The following MBNL2 variants were observed in gnomAD, a reference collection of about 807,000 sequenced individuals.
MBNL2 encodes muscleblind-like protein 2.
MBNL2 carries 17 observed loss-of-function variants against 41.9 expected under a neutral mutation model. The observed-to-expected ratio is 0.41, with a 90% CI of 0.28 to 0.61. The LOEUF is 0.61. Among genes scored for constraint, MBNL2 ranks in the 20% least tolerant of loss-of-function variants. MBNL2 has a pLI of 0.35. For missense variants in MBNL2, 336 were observed against 505.6 expected, an observed-to-expected ratio of 0.66 and a Z score of 3.22; for synonymous variants, 195 against 182.9, an observed-to-expected ratio of 1.07 and a Z score of -0.53.
intron 1 of MBNL2, among the ~76,000 whole-genome samples, chr13:97,233,161 A>ATC: frequency 1.0e-5 from 1 of 99,804 alleles, no homozygotes; most frequent in African/African-American, 3.7e-5. Flanking sequence ...ATATATATAT[A>ATC]TATATATATA....
intron 1 of MBNL2, among the ~76,000 whole-genome samples, chr13:97,232,974 G>A (rs188000333): frequency 2.9e-4 from 44 of 149,688 alleles, no homozygotes; most frequent in Non-Finnish European, 4.4e-4. Flanking sequence ...GTAAAAGCTC[G>A]TTATCAACTG....
At chr13:97,196,485 G>A in the MBNL2 span, among the ~76,000 whole-genome samples, 36 of 152,170 alleles carry the variant, frequency 2.4e-4, no homozygotes, top group African/African-American at 8.2e-4. Flanking sequence ...ACCTACAGGC[G>A]GTATTAAGGC....
At chr13:97,157,371 T>C in the MBNL2 span, among the ~76,000 whole-genome samples, 407 of 148,052 alleles carry the variant, frequency 2.7e-3, 1 homozygote, top group Non-Finnish European at 4.6e-3. Context: ...CTTTTCCTAA[T>C]TGAATACCCT....
rs5806008 is a variant in MBNL2 at position 97,228,529 on chromosome 13, CTT to C, written c.-605+6014_-605+6015del. On this transcript the variant is annotated intron_variant, in intron 1 of 8. Coordinates refer to ENST00000679496, the MANE Select transcript of MBNL2 (RefSeq NM_001382683.1). ...TAATTTCAGTTTTTATATTTATTAT[CTT>C]TTTTTTTTTTTTTTTGAGACAGAGT... 6.8e-4 allele frequency among the ~76,000 whole-genome samples: 87 copies of C among 128,080 alleles called. 1 individual carries two copies. The South Asian group carries it at 0.014, about 20-fold the overall frequency. 84.0% of individuals were successfully genotyped at this position (128,080 alleles called of 152,430 possible).
At chr13:97,260,274 C>T (rs779715592) in intron 1 of MBNL2, among the ~76,000 whole-genome samples, 1 of 152,136 alleles carries the variant, frequency 6.6e-6, no homozygotes, top group African/African-American at 2.4e-5. Context: ...CAGTCAAAGG[C>T]CAGGATGGTT....
intron 2 of MBNL2, among the ~76,000 whole-genome samples, chr13:97,277,031 A>G (rs935928268): frequency 5.9e-5 from 9 of 152,208 alleles, no homozygotes; most frequent in Non-Finnish European, 1.2e-4. Context: ...AAGTATCTAC[A>G]ATGCAAGAAG....
At chr13:97,202,511 C>G in the MBNL2 span, among the ~76,000 whole-genome samples, 10 of 152,120 alleles carry the variant, frequency 6.6e-5, no homozygotes, top group Admixed American at 6.5e-4. Flanking sequence ...CTAGCACATT[C>G]GTAATCACTC....
In MBNL2 at chr13:97,356,777, C is replaced by G. The variant is rs762910971; in HGVS notation, c.805-19C>G. Reference sequence around the variant, plus strand: ...CATTGGCCCACTGCCATCATGTGCTCGCTGCCTGTTATTAAAAGACTCAGT... The same window carrying G: ...CATTGGCCCACTGCCATCATGTGCTGGCTGCCTGTTATTAAAAGACTCAGT... On this transcript the variant is annotated intron_variant, in intron 5 of 8. Coordinates refer to ENST00000679496, the MANE Select transcript of MBNL2 (RefSeq NM_001382683.1). 2.9e-6 allele frequency: 4 copies of G among 1,359,772 alleles called. No homozygotes were observed. The South Asian group carries it at 3.4e-5, about 12-fold the overall frequency. The allele number at this position is 1,359,772 out of a possible 1,614,324, so 84.2% of individuals were successfully genotyped here.
rs180794394 is a variant in MBNL2, at chr13:97,263,000, T to C, written c.-604-12632T>C. Among the ~76,000 whole-genome samples the C allele has an allele frequency of 6.4e-3, 976 of 152,236 alleles. 2 individuals carry two copies. The highest frequency in any genetic ancestry group is 0.026 in the South Asian group (123 of 4,814). On this transcript the variant is annotated intron_variant, in intron 1 of 8. Coordinates refer to ENST00000679496, the MANE Select transcript of MBNL2 (RefSeq NM_001382683.1). ...AGTAGTTTCACCACGTTGCCCAGGC[T>C]GGTCTTGAACTCCTGAGGTCGGGTG...
the MBNL2 span, among the ~76,000 whole-genome samples, chr13:97,168,188 T>G: frequency 6.6e-6 from 1 of 152,160 alleles, no homozygotes; most frequent in African/African-American, 2.4e-5. Flanking sequence ...GGTCGTGAAC[T>G]GCTGACCTCA....
the MBNL2 span, among the ~76,000 whole-genome samples, chr13:97,163,896 C>T: frequency 2.0e-5 from 3 of 152,226 alleles, no homozygotes; most frequent in South Asian, 6.2e-4. Flanking sequence ...TTTGCATCTA[C>T]AAGCCAAGCA....
At chr13:97,379,856 A>T (rs753432824) in intron 8 of MBNL2, among the ~76,000 whole-genome samples, 16 of 152,208 alleles carry the variant, frequency 1.1e-4, no homozygotes, top group Non-Finnish European at 2.1e-4. Flanking sequence ...AGTTAATGCC[A>T]CTGAACTGTA....
At chr13:97,389,894 T>C (rs754232998) in intron 8 of MBNL2, among the ~76,000 whole-genome samples, 4 of 152,130 alleles carry the variant, frequency 2.6e-5, no homozygotes, top group Admixed American at 6.6e-5. Flanking sequence ...AACATTTCTA[T>C]TTAATATCTA....
intron 1 of MBNL2, among the ~76,000 whole-genome samples, chr13:97,245,307 G>A (rs1337807305): frequency 1.3e-5 from 2 of 152,092 alleles, no homozygotes; most frequent in African/African-American, 4.8e-5. Flanking sequence ...AAGCTCCCAG[G>A]GAAAAAGTGC....
the MBNL2 span, among the ~76,000 whole-genome samples, chr13:97,171,147 C>G: frequency 6.6e-6 from 1 of 152,206 alleles, no homozygotes; most frequent in Non-Finnish European, 1.5e-5. Context: ...AGCTCTTTCT[C>G]CAGAGTTCAA....
At chr13:97,372,210 G>T (rs1197538121) in intron 8 of MBNL2, among the ~76,000 whole-genome samples, 1 of 152,184 alleles carries the variant, frequency 6.6e-6, no homozygotes, top group Non-Finnish European at 1.5e-5. Flanking sequence ...TGCCTTAGAA[G>T]CTAACGAAAT....
chr13:97,204,012 T>C, the MBNL2 span, among the ~76,000 whole-genome samples: 1 of 152,122 alleles, frequency 6.6e-6, no homozygotes. Context: ...CTAAAAGAAA[T>C]ACAAAACTTG....
the MBNL2 span, among the ~76,000 whole-genome samples, chr13:97,157,763 T>G: frequency 5.2e-4 from 78 of 150,156 alleles, no homozygotes; most frequent in African/African-American, 1.5e-3. Context: ...TCATGGTGGA[T>G]AAGCTTTTTG....
chr13:97,208,086 T>C, the MBNL2 span, among the ~76,000 whole-genome samples: 1 of 152,236 alleles, frequency 6.6e-6, no homozygotes, highest in Non-Finnish European at 1.5e-5. Flanking sequence ...CCAGCTGCTT[T>C]CAAGGACTGG....
Sources: allele counts gnomAD v4.1 joint callset (sites outside exome capture counted in the v4.1 genomes callset), GRCh38; gene constraint gnomAD v4.1.1; transcripts MANE v1.5; gene names NCBI Gene and HGNC (gene_info 2026-07-23, HGNC 2026-07-21).